APOO: variants seen among roughly 807,000 people sequenced by gnomAD.
The protein encoded by APOO is MICOS complex subunit MIC26.
A neutral mutation model predicts 23.1 loss-of-function variants in APOO; 11 were observed. The observed-to-expected ratio is 0.48, with a 90% CI of 0.30 to 0.79. The LOEUF (loss-of-function observed/expected upper bound fraction) is 0.79, where lower values mean the gene tolerates loss of function less well. APOO is among the 30% of genes least tolerant of loss of function. The probability of loss-of-function intolerance (pLI) is 0.07; values close to 1 mark genes in which losing one functional copy is unlikely to be tolerated. For missense variants in APOO, 160 were observed against 142.7 expected (o/e 1.12, Z -0.62); for synonymous variants, 59 against 54.8 (o/e 1.08, Z -0.34).
intron 1 of APOO, among the ~76,000 whole-genome samples, chrX:23,900,696 G>GA (rs979007596): frequency 1.1e-5 from 1 of 91,456 alleles, no homozygotes; most frequent in African/African-American, 4.0e-5. Flanking sequence ...AAAAAAAAAA[G>GA]AAATCTCAAC....
At position 23,868,772 on chromosome X, in the gene APOO, T is replaced by C. The variant is rs1338374389; in HGVS notation, c.293-84A>G. 4 of 636,360 alleles carry C rather than the reference T, an allele frequency of 6.3e-6. No individual in the cohort carries two copies. In the African/African-American group the frequency reaches 8.9e-5, roughly 14 times the overall value. The allele number at this position is 636,360 out of a possible 1,213,427, so 52.4% of individuals were successfully genotyped here. On this transcript the variant is annotated intron_variant, in intron 4 of 8. Transcript: ENST00000379226. ...AAAGTCTTATACAGTATATAATATGTATATATAGTATCAAGTGCTTTTCAA... is the reference window on the plus strand; with the variant it reads ...AAAGTCTTATACAGTATATAATATGCATATATAGTATCAAGTGCTTTTCAA...
chrX:23,907,807 A>G lies in APOO; in HGVS notation c.-105T>C. 1 of 960,379 alleles carries G rather than the reference A, an allele frequency of 1.0e-6. No homozygotes were observed. The highest frequency in any genetic ancestry group is 2.6e-5 in the South Asian group (1 of 39,062). The allele number at this position is 960,379 out of a possible 1,213,427, so 79.1% of individuals were successfully genotyped here. The stretch of plus-strand genomic sequence containing the variant: ...GTAGGGCCTTGATTTCTCCAACCGC[A>G]AGCAGGCAGCGGTGCGGGTGACGGC... On this transcript the variant is annotated 5_prime_UTR_variant, in exon 1 of 9. Transcript: ENST00000379226.
At chrX:23,852,365 G>A (rs767761107) in intron 7 of APOO, among the ~76,000 whole-genome samples, 15 of 110,919 alleles carry the variant, frequency 1.4e-4, no homozygotes, top group African/African-American at 4.6e-4. Flanking sequence ...TTGGGAGGCC[G>A]AGGCGGGCAG....
chrX:23,878,843 G>T, intron 3 of APOO, 72 bp downstream of exon 3: 2 of 1,099,856 alleles, frequency 1.8e-6, no homozygotes, highest in Non-Finnish European at 1.2e-6. Flanking sequence ...CCAAAAACAT[G>T]CAGCCAATAC....
intron 1 of APOO, among the ~76,000 whole-genome samples, chrX:23,902,872 C>T (rs1927187059): frequency 9.0e-6 from 1 of 111,352 alleles, no homozygotes; most frequent in Admixed American, 9.6e-5. Flanking sequence ...TCCATCCCCA[C>T]TCTGCACAAA....
chrX:23,887,150 A>G (rs780160569), intron 1 of APOO, among the ~76,000 whole-genome samples: 196 of 108,343 alleles, frequency 1.8e-3, no homozygotes, highest in Middle Eastern at 0.014. Flanking sequence ...CTCCATGAGG[A>G]GTCCTGACCC....
At chrX:23,889,656 GTT>G (rs138373055) in intron 1 of APOO, among the ~76,000 whole-genome samples, 6,894 of 61,715 alleles carry the variant, frequency 0.11, 442 homozygotes, top group East Asian at 0.41. Context: ...CTGGGGAGTT[GTT>G]TTTTTTTTTT....
intron 1 of APOO, 117 bp from the exon 2 acceptor site, chrX:23,881,069 A>C (rs942054204): frequency 1.8e-5 from 6 of 336,261 alleles, no homozygotes; most frequent in Non-Finnish European, 2.9e-5. Flanking sequence ...GCTTTATTTT[A>C]TTTTTATTTA....
At chrX:23,865,178 T>G (rs1436484118) in intron 5 of APOO, among the ~76,000 whole-genome samples, 3 of 111,339 alleles carry the variant, frequency 2.7e-5, no homozygotes, top group Non-Finnish European at 5.7e-5. Context: ...CCACGTGTCA[T>G]CTTGGAGTGG....
chrX:23,853,605 A>T (rs1266123758), intron 7 of APOO, among the ~76,000 whole-genome samples: 2 of 100,725 alleles, frequency 2.0e-5, no homozygotes, highest in African/African-American at 7.6e-5. Context: ...ACCGAGCCCG[A>T]CCGTTTTTTT....
At chrX:23,898,524 C>G (rs1338438199) in intron 1 of APOO, among the ~76,000 whole-genome samples, 2 of 111,399 alleles carry the variant, frequency 1.8e-5, no homozygotes, top group Non-Finnish European at 3.8e-5. Context: ...TTAAGGAAAA[C>G]TGTAAGCCTT....
At chrX:23,850,958 A>C (rs1924507362) in intron 7 of APOO, among the ~76,000 whole-genome samples, 1 of 111,749 alleles carries the variant, frequency 8.9e-6, no homozygotes, top group African/African-American at 3.2e-5. Context: ...AGTAAGACTC[A>C]TCTAGATAAA....
At chrX:23,904,308 T>A (rs925116445) in intron 1 of APOO, among the ~76,000 whole-genome samples, 3 of 110,613 alleles carry the variant, frequency 2.7e-5, no homozygotes, top group South Asian at 7.7e-4. Flanking sequence ...CTCTGACAAC[T>A]GTTACAGGGT....
chrX:23,834,395 CAAA>C (rs1215835629), intron 8 of APOO, among the ~76,000 whole-genome samples: 1 of 31,918 alleles, frequency 3.1e-5, no homozygotes, highest in Non-Finnish European at 6.3e-5. Flanking sequence ...AACTCTGTCT[CAAA>C]AAAAAAAAAA....
At chrX:23,865,637 C>A (rs2146998265) in intron 5 of APOO, among the ~76,000 whole-genome samples, 1 of 108,483 alleles carries the variant, frequency 9.2e-6, no homozygotes, top group South Asian at 4.1e-4. Context: ...CAGGAGGGAC[C>A]TTCTGCACCC....
At chrX:23,881,324 C>T (rs767849074) in intron 1 of APOO, among the ~76,000 whole-genome samples, 1 of 109,192 alleles carries the variant, frequency 9.2e-6, no homozygotes, top group East Asian at 2.9e-4. Flanking sequence ...ATTCGCCCGC[C>T]TCGGCCTCCC....
chrX:23,888,968 C>T (rs1926502241), intron 1 of APOO, among the ~76,000 whole-genome samples: 1 of 97,998 alleles, frequency 1.0e-5, no homozygotes, highest in Admixed American at 1.1e-4. Context: ...AACAAGACTC[C>T]ATCTCTACAA....
chrX:23,882,242 T>C (rs1177477520), intron 1 of APOO, among the ~76,000 whole-genome samples: 1 of 112,081 alleles, frequency 8.9e-6, no homozygotes, highest in African/African-American at 3.2e-5. Context: ...ACAACCACCC[T>C]TTTTTTTCTT....
chrX:23,839,192 T>C (rs1008521932), intron 8 of APOO, among the ~76,000 whole-genome samples: 3 of 112,265 alleles, frequency 2.7e-5, no homozygotes, highest in African/African-American at 9.7e-5. Flanking sequence ...GTTGGGTTAC[T>C]GTATGAACAG....
Sources: gnomAD v4.1 joint callset for allele counts (sites outside exome capture counted in the v4.1 genomes callset) on GRCh38, gnomAD v4.1.1 for gene constraint, MANE v1.5 for transcripts, NCBI Gene and HGNC (gene_info 2026-07-23, HGNC 2026-07-21) for gene names.